Variants in RPAIN observed in about 807,000 individuals in gnomAD.
The protein encoded by RPAIN is RPA-interacting protein.
Under a neutral mutation model 30.5 loss-of-function variants are expected in RPAIN, and 29 were observed. The observed-to-expected ratio is 0.95, with a 90% CI of 0.71 to 1.30. The LOEUF (loss-of-function observed/expected upper bound fraction) is 1.30, where lower values mean the gene tolerates loss of function less well. Ranked by LOEUF, RPAIN falls within the 50% of genes most tolerant of loss-of-function variation. The pLI is 0.00. For synonymous variants in RPAIN, 101 were observed against 93.5 expected (o/e 1.08, Z -0.46); for missense variants, 247 against 264.7 (o/e 0.93, Z 0.46).
intron 5 of RPAIN, chr17:5,426,510 C>T (rs1481938189): frequency 1.8e-6 from 1 of 546,536 alleles, no homozygotes; most frequent in Non-Finnish European, 3.3e-6. Context: ...CTTTAGGGCC[C>T]TGGAGAGCCA....
In RPAIN at chr17:5,420,219, G is replaced by C. The variant is rs149700886; in HGVS notation, c.9G>C (p.Glu3Asp). 13 of 1,613,726 alleles carry C rather than the reference G, an allele frequency of 8.1e-6. No homozygotes were observed. In the African/African-American group the frequency reaches 1.5e-4, roughly 18 times the overall value. Residue 3 changes from glutamate (E) to aspartate (D), a missense_variant, in exon 1 of 7, where the codon GAG (glutamate) becomes GAC (aspartate). Glu to Asp is a conservative substitution (Grantham distance 45). Transcript: ENST00000381209. MA[E>D]SLRSPRRSLY... ...TCTCCCGCGAAGAGGAGATGGCGGA[G>C]TCGTTGAGGTCTCCGCGCCGCTCCC...
At chr17:5,422,169 T>G (rs1215128645) in intron 2 of RPAIN, among the ~76,000 whole-genome samples, 1 of 152,246 alleles carries the variant, frequency 6.6e-6, no homozygotes, top group African/African-American at 2.4e-5. Context: ...AGTCAGGAGT[T>G]CCAGAATTCA....
rs951747601 is a variant in RPAIN, at chr17:5,420,204, AGAG to A, written c.-3_-1del. The A allele has an allele frequency of 3.1e-6, 5 of 1,613,430 alleles. No individual in the cohort carries two copies. The highest frequency in any genetic ancestry group is 2.7e-5 in the African/African-American group (2 of 74,912). ...GGTCTTGTGGCTTTGTCTCCCGCGA[AGAG>A]GAGATGGCGGAGTCGTTGAGGTCTC... On this transcript the variant is annotated 5_prime_UTR_variant, in exon 1 of 7. Transcript: ENST00000381209.
In RPAIN at chr17:5,432,529, T is replaced by C. The variant is rs778712323; in HGVS notation, c.631-13T>C. On this transcript the variant is annotated splice_polypyrimidine_tract_variant and intron_variant, in intron 6 of 6. Coordinates refer to ENST00000381209, the MANE Select transcript of RPAIN (RefSeq NM_001033002.4). ...ATACAATTTAAGCTAATTATTTTCC[T>C]GTTTAAACCTAGGCCTGTGATACTT... is the stretch of plus-strand genomic sequence containing the variant. The C allele has an allele frequency of 1.7e-5, 28 of 1,612,434 alleles. No homozygotes were observed. Among genetic ancestry groups the C allele is most frequent in the Non-Finnish European group, 2.2e-5 (26 of 1,178,508 alleles).
chr17:5,427,724 C>T (rs1567587660), intron 5 of RPAIN: 3 of 275,828 alleles, frequency 1.1e-5, no homozygotes, highest in South Asian at 5.2e-5. Flanking sequence ...CAAGCAGACC[C>T]GGGAGCATAT....
At position 5,428,877 on chromosome 17, in the gene RPAIN, C is replaced by T. The variant is rs1459348436; in HGVS notation, c.630+666C>T. 3 of 986,236 alleles carry T rather than the reference C, an allele frequency of 3.0e-6. No individual in the cohort carries two copies. In the African/African-American group the frequency reaches 5.2e-5, roughly 17 times the overall value. The allele number at this position is 986,236 out of a possible 1,614,324, so 61.1% of individuals were successfully genotyped here. On this transcript the variant is annotated intron_variant, in intron 6 of 6. Transcript: ENST00000381209. The stretch of plus-strand genomic sequence containing the variant: ...GGGGAGCCTTGGGATTAGGAGCACA[C>T]TGTACTTCAGGAAGTTCATAGCCAT...
At chr17:5,424,947 A>G (rs1915231980) in intron 3 of RPAIN, among the ~76,000 whole-genome samples, 1 of 152,208 alleles carries the variant, frequency 6.6e-6, no homozygotes, top group South Asian at 2.1e-4. Context: ...TGAAGTGACA[A>G]GGATTTACTG....
At chr17:5,428,822 G>GTAT in intron 6 of RPAIN, 1 of 987,466 alleles carries the variant, frequency 1.0e-6, no homozygotes, top group Non-Finnish European at 1.2e-6. Context: ...AATATGATAC[G>GTAT]TATTATTATT....
chr17:5,426,225 T>G lies in RPAIN; in HGVS notation c.426-11T>G. The G allele has an allele frequency of 6.2e-7, 1 of 1,614,100 alleles. No individual in the cohort carries two copies. Among genetic ancestry groups the G allele is most frequent in the Non-Finnish European group, 8.5e-7 (1 of 1,179,904 alleles). On this transcript the variant is annotated splice_polypyrimidine_tract_variant and intron_variant, in intron 4 of 6. Coordinates refer to ENST00000381209, the MANE Select transcript of RPAIN (RefSeq NM_001033002.4). ...GGCCATGATGCTCTGGGATCCTAATTCTGCTTCTAGGTACAACCTGAGAAT... is the reference window on the plus strand; with the variant it reads ...GGCCATGATGCTCTGGGATCCTAATGCTGCTTCTAGGTACAACCTGAGAAT...
chr17:5,422,881 G>A, intron 3 of RPAIN, 52 bp downstream of exon 3: 6 of 1,396,816 alleles, frequency 4.3e-6, no homozygotes, highest in Non-Finnish European at 5.1e-6. Flanking sequence ...CTGGAATACT[G>A]TGACCTTTCC....
At chr17:5,423,648 C>A (rs1184856570) in intron 3 of RPAIN, among the ~76,000 whole-genome samples, 1 of 152,230 alleles carries the variant, frequency 6.6e-6, no homozygotes, top group East Asian at 1.9e-4. Context: ...CTGTGAGCAT[C>A]CACTCCTTGA....
intron 3 of RPAIN, among the ~76,000 whole-genome samples, chr17:5,423,607 AGTGCCACAT>A (rs1915082832): frequency 6.6e-6 from 1 of 152,236 alleles, no homozygotes; most frequent in African/African-American, 2.4e-5. Context: ...ATTCATTTTA[AGTGCCACAT>A]TCTCTATTAA....
At chr17:5,428,003 G>A (rs1915562673) in intron 5 of RPAIN, 68 bp from the exon 6 acceptor site, 1 of 1,504,654 alleles carries the variant, frequency 6.6e-7, no homozygotes, top group South Asian at 1.1e-5. Flanking sequence ...GTTGGCATGA[G>A]GAATGAGGAT....
At chr17:5,432,469 A>G (rs1357690638) in intron 6 of RPAIN, 73 bp from the exon 7 acceptor site, 1 of 1,400,478 alleles carries the variant, frequency 7.1e-7, no homozygotes, top group Non-Finnish European at 1.0e-6. Flanking sequence ...ATTCTCATTG[A>G]TTACAACTTT....
Position 5,421,362 on chromosome 17 carries a change from A to G in RPAIN, c.148A>G (p.Ser50Gly). 6.2e-7 allele frequency: 1 copy of G among 1,614,040 alleles called. No homozygotes were observed. The highest frequency in any genetic ancestry group is 8.5e-7 in the Non-Finnish European group (1 of 1,179,982). ...AAACAGGTACCGCCAGGCTGGAAGC[A>G]GTGGGCCAGGGAATTCTCAGAACAG... is the stretch of plus-strand genomic sequence containing the variant. Reference protein sequence around the residue: ...LLNRYRQAGSSGPGNSQNSFL... With the variant: ...LLNRYRQAGSGGPGNSQNSFL... Residue 50 changes from serine (S) to glycine (G), a missense_variant, in exon 2 of 7, where the codon AGT (serine) becomes GGT (glycine). Ser to Gly is a moderately conservative substitution (Grantham distance 56). Transcript: ENST00000381209.
rs1318723717 is a variant in RPAIN, at chr17:5,428,195, T to C, written c.614T>C (p.Leu205Pro). The C allele has an allele frequency of 6.2e-7, 1 of 1,614,238 alleles. No homozygotes were observed. The highest frequency in any genetic ancestry group is 8.5e-7 in the Non-Finnish European group (1 of 1,180,038). Residue 205 changes from leucine (L) to proline (P), a missense_variant, in exon 6 of 7, where the codon CTT becomes CCT. Coordinates refer to ENST00000381209, the MANE Select transcript of RPAIN (RefSeq NM_001033002.4). ...VTGGTEEKSS[L>P]LMSCLACDTW... ...GGAGGAACAGAAGAAAAGTCCAGTCTTCTCATGAGCTGTCTGGTAAGCGTC... is the reference window on the plus strand; with the variant it reads ...GGAGGAACAGAAGAAAAGTCCAGTCCTCTCATGAGCTGTCTGGTAAGCGTC...
intron 3 of RPAIN, 165 bp downstream of exon 3, chr17:5,422,994 A>G (rs1229058875): frequency 5.1e-6 from 3 of 586,344 alleles, no homozygotes; most frequent in South Asian, 4.6e-5. Context: ...TAGCTTCTCA[A>G]TAATAAGGGT....
At chr17:5,421,487 T>A in intron 2 of RPAIN, 21 bp downstream of exon 2, 1 of 1,611,008 alleles carries the variant, frequency 6.2e-7, no homozygotes, top group Non-Finnish European at 8.5e-7. Flanking sequence ...GCTATGTGTT[T>A]TCAGGGAGGG....
chr17:5,423,052 T>G (rs1004069611), intron 3 of RPAIN: 12 of 442,902 alleles, frequency 2.7e-5, no homozygotes, highest in Non-Finnish European at 4.7e-5. Flanking sequence ...TTAATGATGC[T>G]GTTTTCTCCA....
Sources: allele counts gnomAD v4.1 joint callset (sites outside exome capture counted in the v4.1 genomes callset), GRCh38; gene constraint gnomAD v4.1.1; transcripts MANE v1.5; gene names NCBI Gene and HGNC (gene_info 2026-07-23, HGNC 2026-07-21).